Variants in GRID2IP observed in about 807,000 individuals in gnomAD.
GRID2IP encodes Grid2 interacting protein, also known as delphilin.
In GRID2IP, 78 loss-of-function variants were observed where a neutral mutation model predicts 114.3. The observed-to-expected ratio is 0.68, with a 90% confidence interval of 0.57 to 0.82. The LOEUF (loss-of-function observed/expected upper bound fraction) is 0.82. Among genes scored for constraint, GRID2IP ranks in the 40% least tolerant of loss-of-function variants. The probability of loss-of-function intolerance (pLI) is 0.00; values close to 1 mark genes in which losing one functional copy is unlikely to be tolerated. For synonymous variants in GRID2IP, 809 were observed against 724.0 expected, an observed-to-expected ratio of 1.12 and a Z score of -1.89; for missense variants, 1,727 against 1,678.5, an observed-to-expected ratio of 1.03 and a Z score of -0.51.
chr7:6,522,284 C>T (rs1779427197), intron 4 of GRID2IP, among the ~76,000 whole-genome samples: 4 of 152,142 alleles, frequency 2.6e-5, no homozygotes, highest in Admixed American at 1.3e-4. Context: ...TCTCTGATCT[C>T]AGCTGCTCTA....
rs1779966443 is a variant in GRID2IP, at chr7:6,551,008, C to G, written c.429G>C (p.Lys143Asn). 8.1e-7 allele frequency: 1 copy of G among 1,230,440 alleles called. No individual in the cohort carries two copies. Among genetic ancestry groups the G allele is most frequent in the African/African-American group, 1.6e-5 (1 of 63,728 alleles). The allele number at this position is 1,230,440 out of a possible 1,614,324, so 76.2% of individuals were successfully genotyped here. Residue 143 changes from lysine (K) to asparagine (N), a missense_variant and splice_region_variant, in exon 1 of 22, where the codon AAG becomes AAC. Lys to Asn is a moderately conservative substitution (Grantham distance 94). Transcript: ENST00000457091. ...RRRKAQEFSR[K>N]VDEILGDQPT... ...CCCACCTCCCACCCCCGCGCCTTACCTTGCGGCTGAACTCTTGGGCCTTGC... is the reference window on the plus strand; with the variant it reads ...CCCACCTCCCACCCCCGCGCCTTACGTTGCGGCTGAACTCTTGGGCCTTGC...
chr7:6,510,976 G>A lies in GRID2IP; in HGVS notation c.1487C>T (p.Ser496Phe), dbSNP rs966993639. The change falls in exon 9 of 22, where the codon TCC (serine) becomes TTC (phenylalanine). Residue 496 changes from serine to phenylalanine, a missense_variant. Transcript: ENST00000457091. ...GCGGCACATGGAGGAAGCCCGCAGG[G>A]AGCTCCGCGGCTGGGGCTCAGGCGT... ...EPTPEPQPRSSLRASSMCRRS... is the reference protein window; with the variant it reads ...EPTPEPQPRSFLRASSMCRRS... 5 of 1,543,986 alleles carry A rather than the reference G, an allele frequency of 3.2e-6. No homozygotes were observed. The highest frequency in any genetic ancestry group is 4.4e-6 in the Non-Finnish European group (5 of 1,143,338).
chr7:6,511,642 G>T (rs1330330600), intron 8 of GRID2IP, among the ~76,000 whole-genome samples: 1 of 152,106 alleles, frequency 6.6e-6, no homozygotes, highest in Non-Finnish European at 1.5e-5. Context: ...CAAAGTGCTG[G>T]GATTACAGGT....
At chr7:6,549,488 T>C (rs1027138692) in intron 1 of GRID2IP, among the ~76,000 whole-genome samples, 30 of 152,210 alleles carry the variant, frequency 2.0e-4, no homozygotes, top group African/African-American at 6.8e-4. Context: ...GGAAATGCCT[T>C]TGGCAGATTG....
rs777185004 is a variant in GRID2IP at position 6,521,833 on chromosome 7, G to A, written c.989+55C>T. ...GGGTGCCCCAAGAGGCAGGAGTCTT[G>A]CAGGGGGTGGGGGCAGCTCCTCACC... On this transcript the variant is annotated intron_variant, in intron 5 of 21. Transcript: ENST00000457091. The surrounding 1 kb of genome is among the most constrained non-coding windows in gnomAD (Gnocchi z 4.1). The A allele has an allele frequency of 1.5e-4, 206 of 1,338,174 alleles. No individual in the cohort carries two copies. Among genetic ancestry groups the A allele is most frequent in the Non-Finnish European group, 1.8e-4 (176 of 953,784 alleles). 82.9% of individuals were successfully genotyped at this position (1,338,174 alleles called of 1,614,324 possible).
Position 6,508,143 on chromosome 7 carries a change from G to A in GRID2IP, c.2386C>T (p.Pro796Ser), listed in dbSNP as rs1318270839. 7.9e-6 allele frequency: 12 copies of A among 1,509,690 alleles called. No individual in the cohort carries two copies. Among genetic ancestry groups the A allele is most frequent in the Non-Finnish European group, 9.7e-6 (11 of 1,129,264 alleles). 93.5% of individuals were successfully genotyped at this position (1,509,690 alleles called of 1,614,324 possible). A position where few individuals can be genotyped will look rare whatever the true frequency, so the allele number is the denominator to read the frequency against. ...GGCAGGGGCGGTGGGGGTGGTGGAGGGACTGGGTGGCTGAGTTGGGTGAGG... is the reference window on the plus strand; with the variant it reads ...GGCAGGGGCGGTGGGGGTGGTGGAGAGACTGGGTGGCTGAGTTGGGTGAGG... ...KPLTQLSHPV[P>S]PPPPPPLPPP... The change falls in exon 13 of 22, where the codon CCT becomes TCT. Residue 796 changes from proline (P) to serine (S), a missense_variant. Physicochemically the swap from Pro to Ser is moderately conservative, Grantham distance 74. Coordinates refer to ENST00000457091, the MANE Select transcript of GRID2IP (RefSeq NM_001145118.2). This position sits in a 1 kb window ranked among gnomAD's most constrained non-coding sequence, Gnocchi z 5.6.
At chr7:6,529,607 G>A (rs1349823517) in intron 2 of GRID2IP, among the ~76,000 whole-genome samples, 2 of 152,182 alleles carry the variant, frequency 1.3e-5, no homozygotes, top group Admixed American at 1.3e-4. Flanking sequence ...CCTGGCTCCT[G>A]CTGGCCCTCC....
At chr7:6,525,184 G>A (rs113204323) in intron 4 of GRID2IP, among the ~76,000 whole-genome samples, 11,722 of 151,926 alleles carry the variant, frequency 0.077, 611 homozygotes, top group Middle Eastern at 0.13. Context: ...GCAGGCGCCT[G>A]TAATCTCAGC....
chr7:6,509,106 CG>C lies in GRID2IP; in HGVS notation c.1978del (p.Arg660AlafsTer27). 9.6e-6 allele frequency: 3 copies of C among 313,890 alleles called. No homozygotes were observed. The highest frequency in any genetic ancestry group is 1.9e-5 in the Non-Finnish European group (3 of 160,566). 19.4% of individuals were successfully genotyped at this position (313,890 alleles called of 1,614,324 possible). A position where few individuals can be genotyped will look rare whatever the true frequency, so the allele number is the denominator to read the frequency against. On this transcript the variant is annotated frameshift_variant, in exon 12 of 22. Transcript: ENST00000457091. LOFTEE classifies it high-confidence loss of function. The surrounding 1 kb of genome is among the most constrained non-coding windows in gnomAD (Gnocchi z 4.9). ...PDSPPSPDPT[R>X]PPSRRKLFTF... ...GAAGAGCTTCCTGCGGCTGGGCGGG[CG>C]GGTGGGGTCCGGGCTTGGGGGGCTG...
chr7:6,499,154 C>T (rs1786342919), intron 20 of GRID2IP, among the ~76,000 whole-genome samples: 1 of 152,128 alleles, frequency 6.6e-6, no homozygotes, highest in African/African-American at 2.4e-5. Flanking sequence ...TACATGTGAA[C>T]AAATTAAAGC....
At position 6,501,913 on chromosome 7, in the gene GRID2IP, G is replaced by C. The variant is rs540128122; in HGVS notation, c.3281-14C>G. 3.7e-3 allele frequency: 5,799 copies of C among 1,550,958 alleles called. 22 individuals are homozygous for C. Among genetic ancestry groups the C allele is most frequent in the Non-Finnish European group, 4.6e-3 (5,274 of 1,146,588 alleles). The stretch of plus-strand genomic sequence containing the variant: ...CCCGTTGGTTCACTGTAGGGAAGAG[G>C]ACAGGGGCTGCATGGGGCCACTCTC... On this transcript the variant is annotated splice_polypyrimidine_tract_variant and intron_variant, in intron 19 of 21. Transcript: ENST00000457091.
At chr7:6,541,426 G>A (rs909421331) in intron 1 of GRID2IP, among the ~76,000 whole-genome samples, 1 of 152,086 alleles carries the variant, frequency 6.6e-6, no homozygotes, top group Non-Finnish European at 1.5e-5. Context: ...AGAACATTCT[G>A]ACTCCACAAA....
At position 6,521,034 on chromosome 7, in the gene GRID2IP, G is replaced by T. The variant is rs1779402150; in HGVS notation, c.1085-273C>A. Among the ~76,000 whole-genome samples, 1 of 152,186 alleles carries T rather than the reference G, an allele frequency of 6.6e-6. No individual in the cohort carries two copies. The highest frequency in any genetic ancestry group is 2.4e-5 in the African/African-American group (1 of 41,442). ...TGCCCAGGCGGGAGTGCAATGGCGT[G>T]ATCTCGGCTCACTGCAACCTCCGCT... On this transcript the variant is annotated intron_variant, in intron 6 of 21. Transcript: ENST00000457091. This position sits in a 1 kb window ranked among gnomAD's most constrained non-coding sequence, Gnocchi z 4.1.
chr7:6,535,733 A>T (rs372807448), intron 2 of GRID2IP, among the ~76,000 whole-genome samples: 1 of 151,410 alleles, frequency 6.6e-6, no homozygotes, highest in African/African-American at 2.4e-5. Context: ...TCTCTCCTCA[A>T]TGTGGGGTCT....
chr7:6,500,411 C>A (rs755949530), intron 20 of GRID2IP, among the ~76,000 whole-genome samples: 4 of 152,128 alleles, frequency 2.6e-5, no homozygotes, highest in Admixed American at 2.0e-4. Flanking sequence ...TTGCAGTGAG[C>A]CGAGATCGCA....
At chr7:6,513,186 C>CTGG (rs759965545) in intron 8 of GRID2IP, among the ~76,000 whole-genome samples, 98 of 152,024 alleles carry the variant, frequency 6.4e-4, no homozygotes, top group Non-Finnish European at 1.8e-4. Flanking sequence ...GCTCATGATC[C>CTGG]TGGTGGTGGT....
intron 1 of GRID2IP, among the ~76,000 whole-genome samples, chr7:6,544,479 C>T (rs1483077464): frequency 1.3e-5 from 2 of 151,680 alleles, no homozygotes; most frequent in East Asian, 2.0e-4. Context: ...CAGGGTTTCT[C>T]CATGTTGGCC....
intron 1 of GRID2IP, among the ~76,000 whole-genome samples, chr7:6,548,365 C>T (rs1779918550): frequency 6.6e-6 from 1 of 151,590 alleles, no homozygotes; most frequent in African/African-American, 2.4e-5. Context: ...AAAATAAATA[C>T]AAACTTAAAC....
In GRID2IP at chr7:6,520,444, C is replaced by T; in HGVS notation, c.1268+134G>A. On this transcript the variant is annotated intron_variant, in intron 7 of 21. Transcript: ENST00000457091. The surrounding 1 kb of genome is among the most constrained non-coding windows in gnomAD (Gnocchi z 4.6). ...CCCACCACCCTGGGGCCCCTGATAC[C>T]AGCAGCCACCTTCCTGAGCATCCCC... is the stretch of plus-strand genomic sequence containing the variant. 2 of 1,035,850 alleles carry T rather than the reference C, an allele frequency of 1.9e-6. No individual in the cohort carries two copies. The highest frequency in any genetic ancestry group is 1.4e-6 in the Non-Finnish European group (1 of 734,872). The allele number at this position is 1,035,850 out of a possible 1,614,324, so 64.2% of individuals were successfully genotyped here. A position where few individuals can be genotyped will look rare whatever the true frequency, so the allele number is the denominator to read the frequency against.
Sources: gnomAD v4.1 joint callset for allele counts (sites outside exome capture counted in the v4.1 genomes callset) on GRCh38, gnomAD v4.1.1 for gene constraint, Gnocchi (gnomAD v3.1) non-coding constraint, MANE v1.5 for transcripts, NCBI Gene and HGNC (gene_info 2026-07-23, HGNC 2026-07-21) for gene names.